The following RTL4 variants were observed in gnomAD, a reference collection of about 807,000 sequenced individuals.
The protein encoded by RTL4 is retrotransposon Gag like 4.
In RTL4, 4 loss-of-function variants were observed where a neutral mutation model predicts 5.3. The observed-to-expected ratio is 0.75, with a 90% CI of 0.37 to 1.72. The LOEUF (loss-of-function observed/expected upper bound fraction) is 1.72. RTL4 is among the 40% of genes most tolerant of loss of function. RTL4 has a pLI of 0.04. For synonymous variants in RTL4, 98 were observed against 87.3 expected (o/e 1.12, Z -0.68); for missense variants, 260 against 227.1 (o/e 1.14, Z -0.93).
chrX:112,346,743 A>C, the RTL4 span, among the ~76,000 whole-genome samples: 263 of 111,491 alleles, frequency 2.4e-3, 1 homozygote, highest in African/African-American at 7.8e-3. Context: ...CTTAAACTTT[A>C]GTTAGGAGAC....
At chrX:112,150,590 A>T in the RTL4 span, among the ~76,000 whole-genome samples, 2 of 112,184 alleles carry the variant, frequency 1.8e-5, no homozygotes, top group Non-Finnish European at 3.8e-5. Context: ...TATGATTTTT[A>T]AAATTTTCAG....
chrX:112,272,537 G>T, the RTL4 span, among the ~76,000 whole-genome samples: 5 of 111,379 alleles, frequency 4.5e-5, no homozygotes, highest in South Asian at 1.5e-3. Context: ...AGGTAGAATG[G>T]GCTGTGAATG....
chrX:112,273,250 T>G, the RTL4 span, among the ~76,000 whole-genome samples: 1 of 106,147 alleles, frequency 9.4e-6, no homozygotes. Context: ...CCACATAGAG[T>G]TGATGATTTT....
the RTL4 span, among the ~76,000 whole-genome samples, chrX:112,117,932 C>T: frequency 2.7e-5 from 3 of 110,809 alleles, no homozygotes; most frequent in African/African-American, 9.8e-5. Context: ...TGGAAACAAC[C>T]TAAGTGTGCA....
chrX:112,412,784 C>T, the RTL4 span, among the ~76,000 whole-genome samples: 1 of 111,299 alleles, frequency 9.0e-6, no homozygotes, highest in East Asian at 2.8e-4. Context: ...CTCTTCAAGA[C>T]ATTGGGTGGG....
chrX:112,386,383 G>A, the RTL4 span, among the ~76,000 whole-genome samples: 6 of 110,777 alleles, frequency 5.4e-5, no homozygotes, highest in South Asian at 3.8e-4. Context: ...TAGGTTTTTC[G>A]GGAACAGGTA....
the RTL4 span, among the ~76,000 whole-genome samples, chrX:112,205,044 T>C: frequency 1.8e-5 from 2 of 112,226 alleles, no homozygotes; most frequent in African/African-American, 6.5e-5. Context: ...ACCTTGCTGA[T>C]ATCTGTTTAC....
the RTL4 span, among the ~76,000 whole-genome samples, chrX:112,408,721 C>G: frequency 1.8e-5 from 2 of 111,609 alleles, no homozygotes; most frequent in Non-Finnish European, 3.8e-5. Context: ...ATTTAATATT[C>G]AAACTCCCAA....
the RTL4 span, among the ~76,000 whole-genome samples, chrX:112,374,091 T>G: frequency 1.8e-5 from 2 of 111,255 alleles, no homozygotes; most frequent in African/African-American, 6.5e-5. Flanking sequence ...GAAAAATGTT[T>G]GCCTACCCTA....
At chrX:112,147,176 C>T in the RTL4 span, among the ~76,000 whole-genome samples, 2 of 108,681 alleles carry the variant, frequency 1.8e-5, no homozygotes, top group Non-Finnish European at 1.9e-5. Flanking sequence ...AGCAACGATA[C>T]CCTCTCATCT....
At chrX:112,366,547 C>A in the RTL4 span, among the ~76,000 whole-genome samples, 1 of 111,734 alleles carries the variant, frequency 8.9e-6, no homozygotes, top group African/African-American at 3.2e-5. Context: ...CTGTTCTGCT[C>A]TTTGGAGATA....
At chrX:112,270,484 C>T in the RTL4 span, among the ~76,000 whole-genome samples, 2 of 111,667 alleles carry the variant, frequency 1.8e-5, no homozygotes, top group Non-Finnish European at 3.8e-5. Flanking sequence ...AGCAGCATTA[C>T]CCAGCACCCA....
chrX:112,388,951 TCTC>T, the RTL4 span, among the ~76,000 whole-genome samples: 1 of 111,733 alleles, frequency 8.9e-6, no homozygotes, highest in Non-Finnish European at 1.9e-5. Flanking sequence ...AGGAGTCCTT[TCTC>T]CTCAATTTTT....
the RTL4 span, among the ~76,000 whole-genome samples, chrX:112,305,836 G>C: frequency 1.8e-5 from 2 of 111,946 alleles, no homozygotes; most frequent in Non-Finnish European, 3.8e-5. Flanking sequence ...CCTTCTTTGC[G>C]AAGCTGCACT....
At chrX:112,340,231 T>C in the RTL4 span, among the ~76,000 whole-genome samples, 1 of 112,360 alleles carries the variant, frequency 8.9e-6, no homozygotes, top group East Asian at 2.8e-4. Context: ...TTTACTTTTG[T>C]TATCCAAATT....
the RTL4 span, among the ~76,000 whole-genome samples, chrX:112,253,037 T>C: frequency 4.5e-5 from 5 of 111,702 alleles, no homozygotes; most frequent in Non-Finnish European, 9.4e-5. Context: ...ATACTTGCTA[T>C]AGAGTAATAG....
the RTL4 span, among the ~76,000 whole-genome samples, chrX:112,409,794 CA>C: frequency 2.8e-5 from 3 of 107,701 alleles, no homozygotes; most frequent in Admixed American, 9.9e-5. Flanking sequence ...AAAAAGAAGA[CA>C]GGAAAGAAGG....
chrX:112,278,616 C>T, the RTL4 span, among the ~76,000 whole-genome samples: 2 of 111,550 alleles, frequency 1.8e-5, no homozygotes, highest in East Asian at 5.6e-4. Context: ...TATGACTATA[C>T]TACCTATAGT....
chrX:112,444,543 A>G, the RTL4 span, among the ~76,000 whole-genome samples: 3 of 111,943 alleles, frequency 2.7e-5, no homozygotes, highest in African/African-American at 9.7e-5. Context: ...TAGTATGGAC[A>G]TTTGGAAGTA....
Sources: gnomAD v4.1 joint callset for allele counts (sites outside exome capture counted in the v4.1 genomes callset) on GRCh38, gnomAD v4.1.1 for gene constraint, MANE v1.5 for transcripts, NCBI Gene and HGNC (gene_info 2026-07-23, HGNC 2026-07-21) for gene names.